The following CTTNBP2 variants were observed in gnomAD, a reference collection of about 807,000 sequenced individuals.
The protein encoded by CTTNBP2 is cortactin-binding protein 2.
A neutral mutation model predicts 156.9 loss-of-function variants in CTTNBP2; 108 were observed. The observed-to-expected ratio is 0.69, with a 90% confidence interval of 0.59 to 0.81. The LOEUF (loss-of-function observed/expected upper bound fraction) is 0.81, where lower values mean the gene tolerates loss of function less well. Among genes scored for constraint, CTTNBP2 ranks in the 30% least tolerant of loss-of-function variants. The pLI, the probability that CTTNBP2 is intolerant of heterozygous loss-of-function variation, is 0.00. For missense variants in CTTNBP2, 1,924 were observed against 2,035.4 expected, an observed-to-expected ratio of 0.95 and a Z score of 1.05; for synonymous variants, 767 against 751.8, an observed-to-expected ratio of 1.02 and a Z score of -0.33.
chr7:117,838,028 G>A (rs1257485563), intron 2 of CTTNBP2, among the ~76,000 whole-genome samples: 1 of 152,128 alleles, frequency 6.6e-6, no homozygotes, highest in East Asian at 1.9e-4. Flanking sequence ...ATCACTCATG[G>A]GTTAAAGCCA....
intron 2 of CTTNBP2, among the ~76,000 whole-genome samples, chr7:117,846,960 A>G (rs185192239): frequency 6.6e-6 from 1 of 152,288 alleles, no homozygotes; most frequent in African/African-American, 2.4e-5. Flanking sequence ...ACCAGGAGTT[A>G]CACTTGGTTA....
rs145122157 is a variant in CTTNBP2, at chr7:117,763,496, G to C, written c.2897-2786C>G. ...TGATACTATTAAATTAATTCTTCCT[G>C]TTGGAAAGGTCTCCTAACTTGAATC... On this transcript the variant is annotated intron_variant, in intron 9 of 22. Transcript: ENST00000160373. Among the ~76,000 whole-genome samples, 793 of 148,186 alleles carry C rather than the reference G, an allele frequency of 5.4e-3. 8 individuals are homozygous for C. The highest frequency in any genetic ancestry group is 0.019 in the African/African-American group (755 of 40,378).
intron 2 of CTTNBP2, among the ~76,000 whole-genome samples, chr7:117,844,050 AAG>A (rs991424496): frequency 2.8e-3 from 215 of 78,030 alleles, no homozygotes; most frequent in African/African-American, 0.014. Flanking sequence ...AGCAGAAACG[AAG>A]AGAGAGAGAG....
At chr7:117,847,926 C>G (rs1183662595) in intron 2 of CTTNBP2, among the ~76,000 whole-genome samples, 1 of 140,542 alleles carries the variant, frequency 7.1e-6, no homozygotes, top group Non-Finnish European at 1.5e-5. Context: ...TCAAGTGATT[C>G]TCCTGCCTCA....
Position 117,756,598 on chromosome 7 carries a change from G to T in CTTNBP2, c.3305C>A (p.Ala1102Asp). Reference protein sequence around the residue: ...QEGCLSSVTYASMIPLQMMQN... With the variant: ...QEGCLSSVTYDSMIPLQMMQN... ...CATCATCTGGAGAGGGATCATGGAGGCATAAGTCACACTACTGAGACAGCC... is the reference window on the plus strand; with the variant it reads ...CATCATCTGGAGAGGGATCATGGAGTCATAAGTCACACTACTGAGACAGCC... Residue 1102 changes from alanine (A) to aspartate (D), a missense_variant, in exon 12 of 23, where the codon GCC (alanine) becomes GAC (aspartate). Transcript: ENST00000160373. 3 of 1,613,788 alleles carry T rather than the reference G, an allele frequency of 1.9e-6. No individual in the cohort carries two copies. Among genetic ancestry groups the T allele is most frequent in the South Asian group, 2.2e-5 (2 of 91,076 alleles).
At chr7:117,721,854 G>A (rs899634614) in intron 19 of CTTNBP2, among the ~76,000 whole-genome samples, 2 of 152,168 alleles carry the variant, frequency 1.3e-5, no homozygotes, top group African/African-American at 4.8e-5. Context: ...CTCACAATGG[G>A]TTATGGTTGA....
chr7:117,817,677 T>C (rs898381679), intron 2 of CTTNBP2, among the ~76,000 whole-genome samples: 1 of 151,912 alleles, frequency 6.6e-6, no homozygotes, highest in Non-Finnish European at 1.5e-5. Flanking sequence ...TTTCAAAACA[T>C]ACTGACAAGC....
intron 8 of CTTNBP2, among the ~76,000 whole-genome samples, chr7:117,774,895 T>C (rs1288606511): frequency 1.3e-5 from 2 of 152,212 alleles, no homozygotes; most frequent in Non-Finnish European, 2.9e-5. Flanking sequence ...ATGCAATGAC[T>C]AGCTCAGAGC....
chr7:117,722,456 G>GTAGTT lies in CTTNBP2; in HGVS notation c.4448-1331_4448-1327dup, dbSNP rs201164475. Among the ~76,000 whole-genome samples, 252 of 152,074 alleles carry GTAGTT rather than the reference G, an allele frequency of 1.7e-3. 2 individuals carry two copies. Among genetic ancestry groups the GTAGTT allele is most frequent in the Admixed American group, 0.01 (159 of 15,276 alleles). On this transcript the variant is annotated intron_variant, in intron 19 of 22. Coordinates refer to ENST00000160373, the MANE Select transcript of CTTNBP2 (RefSeq NM_033427.3). ...TTCCTTGAAGTCAGTGTAAACTCTT[G>GTAGTT]TAGTTTTATTCTGTCAAAGAAGTTC...
intron 2 of CTTNBP2, among the ~76,000 whole-genome samples, chr7:117,837,939 CCTCA>C: frequency 6.6e-6 from 1 of 152,316 alleles, no homozygotes; most frequent in Middle Eastern, 3.4e-3. Context: ...GCATTTGTGG[CCTCA>C]CTACCTATTA....
intron 2 of CTTNBP2, among the ~76,000 whole-genome samples, chr7:117,845,071 T>C (rs1304192380): frequency 6.6e-6 from 1 of 151,610 alleles, no homozygotes; most frequent in Non-Finnish European, 1.5e-5. Context: ...GGTTGGATGT[T>C]TTTTTTCTCC....
chr7:117,721,464 C>G (rs542846298), intron 19 of CTTNBP2, among the ~76,000 whole-genome samples: 2 of 152,336 alleles, frequency 1.3e-5, no homozygotes, highest in African/African-American at 2.4e-5. Context: ...TCCTTAGGCC[C>G]TTGTTCTCAA....
intron 2 of CTTNBP2, among the ~76,000 whole-genome samples, chr7:117,838,150 C>T (rs936315452): frequency 9.2e-5 from 14 of 152,216 alleles, no homozygotes; most frequent in African/African-American, 3.4e-4. Context: ...GTACCACCTA[C>T]CAAGCTGCTA....
At chr7:117,786,476 T>G in intron 4 of CTTNBP2, 1 of 420,246 alleles carries the variant, frequency 2.4e-6, no homozygotes, top group South Asian at 1.8e-5. Context: ...ATTAAATCAG[T>G]ACTTATTAGA....
At chr7:117,718,202 ACAG>A (rs1237266210) in intron 21 of CTTNBP2, 83 bp from the exon 22 acceptor site, 1 of 814,712 alleles carries the variant, frequency 1.2e-6, no homozygotes, top group Non-Finnish European at 2.1e-6. Flanking sequence ...TGGAGAAATC[ACAG>A]CAGAAGTGTT....
At chr7:117,800,660 C>G (rs2116910675) in intron 3 of CTTNBP2, among the ~76,000 whole-genome samples, 1 of 152,112 alleles carries the variant, frequency 6.6e-6, no homozygotes, top group South Asian at 2.1e-4. Flanking sequence ...AATCGGGTTT[C>G]TCACTGGTGG....
chr7:117,737,253 T>G (rs1360030752), intron 14 of CTTNBP2, among the ~76,000 whole-genome samples: 1 of 152,178 alleles, frequency 6.6e-6, no homozygotes, highest in Non-Finnish European at 1.5e-5. Flanking sequence ...GTATGAGAAA[T>G]CCGTAGTTGG....
chr7:117,811,020 A>G, intron 2 of CTTNBP2, 31 bp from the exon 3 acceptor site: 1 of 1,471,752 alleles, frequency 6.8e-7, no homozygotes, highest in Non-Finnish European at 9.5e-7. Context: ...TGTATTGAAG[A>G]AAGAAATGAA....
At chr7:117,747,869 C>T (rs1410458451) in intron 12 of CTTNBP2, among the ~76,000 whole-genome samples, 1 of 152,118 alleles carries the variant, frequency 6.6e-6, no homozygotes, top group Non-Finnish European at 1.5e-5. Flanking sequence ...CAGGCATGAC[C>T]ACCAGGATTC....
Sources: gnomAD v4.1 joint callset for allele counts (sites outside exome capture counted in the v4.1 genomes callset) on GRCh38, gnomAD v4.1.1 for gene constraint, MANE v1.5 for transcripts, NCBI Gene and HGNC (gene_info 2026-07-23, HGNC 2026-07-21) for gene names.